CDH23: variants seen among roughly 807,000 people sequenced by gnomAD.
The protein encoded by CDH23 is cadherin related 23.
In CDH23, 189 loss-of-function variants were observed where a neutral mutation model predicts 317.1. The ratio of observed to expected loss-of-function variants is 0.60; its 90% CI spans 0.53 to 0.67. The LOEUF (loss-of-function observed/expected upper bound fraction) is 0.67, where lower values mean the gene tolerates loss of function less well. Ranked by LOEUF, CDH23 falls within the 30% of genes least tolerant of loss-of-function variation. The pLI is 0.00. For missense variants in CDH23, 4,401 were observed against 4,592.4 expected, an observed-to-expected ratio of 0.96 and a Z score of 1.20; for synonymous variants, 1,839 against 1,876.8, an observed-to-expected ratio of 0.98 and a Z score of 0.52.
intron 3 of CDH23, among the ~76,000 whole-genome samples, chr10:71,473,453 C>T (rs991696535): frequency 6.6e-6 from 1 of 152,156 alleles, no homozygotes; most frequent in Admixed American, 6.5e-5. Flanking sequence ...TACGATGGGG[C>T]TGGCATCCAG....
At chr10:71,581,309 G>A (rs1348836526) in intron 9 of CDH23, among the ~76,000 whole-genome samples, 2 of 152,232 alleles carry the variant, frequency 1.3e-5, no homozygotes. Flanking sequence ...CAAATGGAGA[G>A]TCCTGAGTGT....
intron 26 of CDH23, among the ~76,000 whole-genome samples, chr10:71,707,871 C>T (rs1234767172): frequency 1.3e-5 from 2 of 152,148 alleles, no homozygotes; most frequent in Non-Finnish European, 2.9e-5. Context: ...TTCCCAATGC[C>T]TCCCCATGAA....
intron 38 of CDH23, among the ~76,000 whole-genome samples, chr10:71,771,527 C>A (rs1339604846): frequency 6.6e-6 from 1 of 152,220 alleles, no homozygotes; most frequent in Non-Finnish European, 1.5e-5. Context: ...TCTGCTATCT[C>A]CCTCAGTGCA....
intron 9 of CDH23, among the ~76,000 whole-genome samples, chr10:71,582,995 A>C (rs932770745): frequency 2.0e-5 from 3 of 152,218 alleles, no homozygotes; most frequent in Admixed American, 6.5e-5. Context: ...GTGTGTGTTC[A>C]AAAATATCCA....
In CDH23 at chr10:71,439,442, C is replaced by T. The variant is rs189931040; in HGVS notation, c.-5-385C>T. 2.2e-4 allele frequency among the ~76,000 whole-genome samples: 34 copies of T among 152,310 alleles called. No homozygotes were observed. The East Asian group carries it at 6.6e-3, about 29-fold the overall frequency. ...TGTCCTCAGGATAACCAGGCTCTGT[C>T]ACTCTTGGGGGATGTGGTCCTGGAG... On this transcript the variant is annotated intron_variant, in intron 1 of 69. Coordinates refer to ENST00000224721, the MANE Select transcript of CDH23 (RefSeq NM_022124.6).
chr10:71,799,440 G>A, intron 51 of CDH23, 52 bp from the exon 52 acceptor site: 2 of 1,612,918 alleles, frequency 1.2e-6, no homozygotes, highest in Non-Finnish European at 1.7e-6. Flanking sequence ...GCTGTGCTCG[G>A]GCTCTGGGAC....
intron 6 of CDH23, among the ~76,000 whole-genome samples, chr10:71,550,577 AG>A (rs201597422): frequency 0.054 from 5,829 of 108,640 alleles, 308 homozygotes; most frequent in East Asian, 0.2. Flanking sequence ...AAAAAAAAAA[AG>A]AAAAAAGAAA....
At chr10:71,496,826 T>TTGGCAGCCTCGTAGTGGTGA (rs1853003455) in intron 3 of CDH23, among the ~76,000 whole-genome samples, 1 of 35,862 alleles carries the variant, frequency 2.8e-5, no homozygotes, top group Non-Finnish European at 8.6e-5. Context: ...TGTGGTCTGG[T>TTGGCAGCCTCGTAGTGGTGA]GTACAGATGG....
rs774919846 is a variant in CDH23, at chr10:71,778,233, C to T, written c.5112C>T (p.His1704=). The change falls in exon 40 of 70, where the codon CAC becomes CAT. Residue 1704 remains histidine (H), a synonymous_variant. Coordinates refer to ENST00000224721, the MANE Select transcript of CDH23 (RefSeq NM_022124.6). ...AAGAGCTGGACTACGAGATCAGCCACGGCCGCTACACCCTGATCGTCACTG... is the reference window on the plus strand; with the variant it reads ...AAGAGCTGGACTACGAGATCAGCCATGGCCGCTACACCCTGATCGTCACTG... ...AAKELDYEIS[H]GRYTLIVTAT... is the part of the protein sequence containing the mutation. 1.6e-5 allele frequency: 26 copies of T among 1,613,794 alleles called. No homozygotes were observed. Among genetic ancestry groups the T allele is most frequent in the East Asian group, 1.1e-4 (5 of 44,894 alleles).
chr10:71,759,980 C>T (rs1253070508), intron 38 of CDH23, among the ~76,000 whole-genome samples: 6 of 85,394 alleles, frequency 7.0e-5, no homozygotes, highest in African/African-American at 1.1e-4. Flanking sequence ...TACACACACA[C>T]ATATATATAC....
intron 24 of CDH23, among the ~76,000 whole-genome samples, chr10:71,702,917 A>C (rs1183539886): frequency 2.0e-5 from 3 of 152,198 alleles, no homozygotes; most frequent in African/African-American, 7.2e-5. Context: ...GAATTCTGGA[A>C]GTCATGTCCA....
At chr10:71,578,607 G>T (rs1858399621) in intron 9 of CDH23, among the ~76,000 whole-genome samples, 1 of 152,146 alleles carries the variant, frequency 6.6e-6, no homozygotes, top group South Asian at 2.1e-4. Flanking sequence ...CCCACCCAAA[G>T]ACTGACAAAT....
chr10:71,759,492 G>C (rs959863848), intron 38 of CDH23, among the ~76,000 whole-genome samples: 36 of 151,366 alleles, frequency 2.4e-4, no homozygotes, highest in Non-Finnish European at 4.4e-4. Context: ...GAGTGACAGA[G>C]AGAGAGTCTT....
At chr10:71,743,643 G>A (rs1040423690) in intron 38 of CDH23, among the ~76,000 whole-genome samples, 1 of 152,156 alleles carries the variant, frequency 6.6e-6, no homozygotes, top group Non-Finnish European at 1.5e-5. Flanking sequence ...GCAGGGTGGG[G>A]CTGGGGCAGA....
chr10:71,775,281 C>T (rs890825959), intron 38 of CDH23, among the ~76,000 whole-genome samples: 4 of 152,170 alleles, frequency 2.6e-5, no homozygotes, highest in Admixed American at 1.3e-4. Flanking sequence ...CCCATCTCAA[C>T]CCTTCCTGGA....
chr10:71,464,470 C>G (rs1429279607), intron 3 of CDH23, among the ~76,000 whole-genome samples: 1 of 152,182 alleles, frequency 6.6e-6, no homozygotes, highest in African/African-American at 2.4e-5. Flanking sequence ...GCAGTCATTC[C>G]CCCACTGGTC....
chr10:71,627,396 T>A (rs573131089), intron 11 of CDH23, among the ~76,000 whole-genome samples: 2 of 138,266 alleles, frequency 1.4e-5, no homozygotes, highest in South Asian at 2.4e-4. Context: ...ATGATGATGA[T>A]GAAGATTTTT....
rs1842104835 is a variant in CDH23, at chr10:71,815,498, A to G, written c.*220A>G. 1.1e-5 allele frequency: 5 copies of G among 456,166 alleles called. No homozygotes were observed. The highest frequency in any genetic ancestry group is 5.6e-5 in the South Asian group (1 of 17,716). 28.3% of individuals were successfully genotyped at this position (456,166 alleles called of 1,614,324 possible). On this transcript the variant is annotated 3_prime_UTR_variant, in exon 70 of 70. Coordinates refer to ENST00000224721, the MANE Select transcript of CDH23 (RefSeq NM_022124.6). ...TACCTTCATAAGATCTGTTATTTTT[A>G]TAAGAAAACCAAACAAAAATGTTAA...
intron 11 of CDH23, among the ~76,000 whole-genome samples, chr10:71,630,080 G>A (rs895887191): frequency 1.3e-5 from 2 of 152,114 alleles, no homozygotes; most frequent in Non-Finnish European, 2.9e-5. Flanking sequence ...GGAGTGCAGT[G>A]GTGTAATTAT....
Sources: allele counts gnomAD v4.1 joint callset (sites outside exome capture counted in the v4.1 genomes callset), GRCh38; gene constraint gnomAD v4.1.1; transcripts MANE v1.5; gene names NCBI Gene and HGNC (gene_info 2026-07-23, HGNC 2026-07-21).